PRKCB: variants seen among roughly 807,000 people sequenced by gnomAD.
The protein encoded by PRKCB is protein kinase C beta.
Under a neutral mutation model 81.5 loss-of-function variants are expected in PRKCB, and 13 were observed. The ratio of observed to expected loss-of-function variants is 0.16; its 90% CI spans 0.10 to 0.25. The LOEUF is 0.25. Ranked by LOEUF, PRKCB falls within the 10% of genes least tolerant of loss-of-function variation. The pLI is 1.00. For synonymous variants in PRKCB, 335 were observed against 321.4 expected (o/e 1.04, Z -0.45); for missense variants, 509 against 875.7 (o/e 0.58, Z 5.29).
intron 9 of PRKCB, among the ~76,000 whole-genome samples, chr16:24,144,592 A>G (rs569180663): frequency 2.3e-4 from 35 of 152,344 alleles, no homozygotes; most frequent in African/African-American, 7.7e-4. Context: ...TGAGCCACCA[A>G]GCCCGGCCAC....
intron 9 of PRKCB, among the ~76,000 whole-genome samples, chr16:24,153,269 G>T (rs918395288): frequency 6.6e-6 from 1 of 152,070 alleles, no homozygotes; most frequent in African/African-American, 2.4e-5. Flanking sequence ...GGCCCTGATT[G>T]GTTCCCTTAC....
Position 24,094,367 on chromosome 16 carries a change from C to T in PRKCB, c.821+70C>T, listed in dbSNP as rs1016139012. The T allele has an allele frequency of 1.4e-5, 22 of 1,552,850 alleles. 1 individual carries two copies. Among genetic ancestry groups the T allele is most frequent in the South Asian group, 3.6e-5 (3 of 83,158 alleles). On this transcript the variant is annotated intron_variant, in intron 7 of 16. Coordinates refer to ENST00000643927, the MANE Select transcript of PRKCB (RefSeq NM_002738.7). Reference sequence around the variant, plus strand: ...TCAAACGCGGGGTCAAGTATGTTTTCCTTTTTCTCCAAAAATTGAAATACT... The same window carrying T: ...TCAAACGCGGGGTCAAGTATGTTTTTCTTTTTCTCCAAAAATTGAAATACT...
intron 2 of PRKCB, among the ~76,000 whole-genome samples, chr16:23,863,284 A>ACACG (rs1244102126): frequency 3.4e-5 from 5 of 148,598 alleles, no homozygotes; most frequent in South Asian, 4.3e-4. Flanking sequence ...ACACACACAC[A>ACACG]CGAATATTTT....
At chr16:24,111,511 G>T (rs541383632) in intron 7 of PRKCB, among the ~76,000 whole-genome samples, 2 of 152,154 alleles carry the variant, frequency 1.3e-5, no homozygotes, top group East Asian at 3.9e-4. Context: ...TAGTAGCTGG[G>T]CATGGTGGGA....
chr16:23,888,071 C>T (rs1202274624), intron 2 of PRKCB, among the ~76,000 whole-genome samples: 2 of 152,224 alleles, frequency 1.3e-5, no homozygotes, highest in Admixed American at 6.5e-5. Flanking sequence ...TTTCTCCCTC[C>T]TCCTTTAGCG....
In PRKCB at chr16:24,219,983, A is replaced by G. The variant is rs763241619; in HGVS notation, c.*5167A>G. 16 of 1,614,060 alleles carry G rather than the reference A, an allele frequency of 9.9e-6. No individual in the cohort carries two copies. The East Asian group carries it at 2.7e-4, about 27-fold the overall frequency. On this transcript the variant is annotated 3_prime_UTR_variant, in exon 17 of 17. Coordinates refer to ENST00000643927, the MANE Select transcript of PRKCB (RefSeq NM_002738.7). ...CAGAGAGACAAGAGAGACACCTCCA[A>G]CTTCGACAAAGAGTTCACCAGACAG...
intron 2 of PRKCB, among the ~76,000 whole-genome samples, chr16:23,921,904 A>G (rs1435917655): frequency 6.6e-6 from 1 of 152,222 alleles, no homozygotes; most frequent in African/African-American, 2.4e-5. Context: ...AGGCCTCACA[A>G]GAAGAAGGCA....
At chr16:24,062,922 T>G (rs1417024207) in intron 5 of PRKCB, among the ~76,000 whole-genome samples, 1 of 152,012 alleles carries the variant, frequency 6.6e-6, no homozygotes, top group Non-Finnish European at 1.5e-5. Flanking sequence ...ACATGGGCTC[T>G]TTTCCTTTTT....
At chr16:23,880,112 C>A (rs1304412666) in intron 2 of PRKCB, among the ~76,000 whole-genome samples, 1 of 152,062 alleles carries the variant, frequency 6.6e-6, no homozygotes, top group Non-Finnish European at 1.5e-5. Context: ...GAATCGAATC[C>A]CCACCCCTAA....
intron 8 of PRKCB, among the ~76,000 whole-genome samples, chr16:24,120,345 A>G (rs1471848962): frequency 6.6e-6 from 1 of 152,248 alleles, no homozygotes; most frequent in African/African-American, 2.4e-5. Flanking sequence ...GCCCACCTCA[A>G]GTTTCAAAAC....
Position 24,020,972 on chromosome 16 carries a change from TTCTTTTTC to T in PRKCB, c.289-11162_289-11155del, listed in dbSNP as rs1449902647. Among the ~76,000 whole-genome samples, 170 of 98,230 alleles carry T rather than the reference TTCTTTTTC, an allele frequency of 1.7e-3. 1 individual carries two copies. Among genetic ancestry groups the T allele is most frequent in the African/African-American group, 6.5e-3 (165 of 25,492 alleles). 64.4% of individuals were successfully genotyped at this position (98,230 alleles called of 152,430 possible). A position where few individuals can be genotyped will look rare whatever the true frequency, so the allele number is the denominator to read the frequency against. On this transcript the variant is annotated intron_variant, in intron 3 of 16. Transcript: ENST00000643927. ...AGCCCATTCAGACTGAGAGAGACTT[TTCTTTTTC>T]TTTCTTTCTTTCTTTCTTTCTTTCT... is the stretch of plus-strand genomic sequence containing the variant.
chr16:23,902,728 T>TCCTCCCTCCCCCCCCCCCTC (rs1482776399), intron 2 of PRKCB, among the ~76,000 whole-genome samples: 2 of 20,340 alleles, frequency 9.8e-5, no homozygotes, highest in African/African-American at 2.4e-4. Context: ...CTCCCTCCCT[T>TCCTCCCTCCCCCCCCCCCTC]CCTCCCTTCC....
intron 9 of PRKCB, among the ~76,000 whole-genome samples, chr16:24,149,628 C>T (rs911462824): frequency 6.6e-6 from 1 of 152,180 alleles, no homozygotes; most frequent in Non-Finnish European, 1.5e-5. Context: ...CCCAGAGCTC[C>T]TGAAGGAGAG....
intron 2 of PRKCB, among the ~76,000 whole-genome samples, chr16:23,949,433 A>G (rs1477250427): frequency 6.6e-6 from 1 of 152,236 alleles, no homozygotes; most frequent in Non-Finnish European, 1.5e-5. Flanking sequence ...TTGGAGAAGC[A>G]GGTTGGCTAA....
At chr16:24,029,073 G>A (rs1965519293) in intron 3 of PRKCB, among the ~76,000 whole-genome samples, 1 of 152,230 alleles carries the variant, frequency 6.6e-6, no homozygotes, top group African/African-American at 2.4e-5. Flanking sequence ...TTACAGGCGT[G>A]AGCCACTGTG....
At chr16:24,098,493 T>A (rs1281738965) in intron 7 of PRKCB, 1 of 152,242 alleles carries the variant, frequency 6.6e-6, no homozygotes, top group Non-Finnish European at 1.5e-5. Flanking sequence ...CTCACACCTG[T>A]AATCCCAACA....
At chr16:24,071,082 C>A (rs1966101823) in intron 5 of PRKCB, among the ~76,000 whole-genome samples, 1 of 152,050 alleles carries the variant, frequency 6.6e-6, no homozygotes, top group African/African-American at 2.4e-5. Context: ...AGCTCAAAGC[C>A]CCCCTCCACT....
Position 23,917,413 on chromosome 16 carries a change from G to T in PRKCB, c.206-71095G>T, listed in dbSNP as rs530006086. Reference sequence around the variant, plus strand: ...TTTTATGATTGCATCGTGGTCCATAGTATGGGCATCCCTGGGGTGTTTCCA... The same window carrying T: ...TTTTATGATTGCATCGTGGTCCATATTATGGGCATCCCTGGGGTGTTTCCA... On this transcript the variant is annotated intron_variant, in intron 2 of 16. Coordinates refer to ENST00000643927, the MANE Select transcript of PRKCB (RefSeq NM_002738.7). Among the ~76,000 whole-genome samples the T allele has an allele frequency of 2.0e-5, 3 of 152,342 alleles. No individual in the cohort carries two copies. In the East Asian group the frequency reaches 5.8e-4, roughly 29 times the overall value.
intron 9 of PRKCB, among the ~76,000 whole-genome samples, chr16:24,153,837 G>C (rs920803689): frequency 6.6e-6 from 1 of 152,164 alleles, no homozygotes; most frequent in African/African-American, 2.4e-5. Flanking sequence ...TTCCTCTCTG[G>C]AGTTAAGGGT....
Sources: gnomAD v4.1 joint callset for allele counts (sites outside exome capture counted in the v4.1 genomes callset) on GRCh38, gnomAD v4.1.1 for gene constraint, MANE v1.5 for transcripts, NCBI Gene and HGNC (gene_info 2026-07-23, HGNC 2026-07-21) for gene names.